The following ACAD10 variants were observed in gnomAD, a reference collection of about 807,000 sequenced individuals.
ACAD10 encodes acyl-CoA dehydrogenase family member 10, also known as ACAD-10.
Under a neutral mutation model 116.8 loss-of-function variants are expected in ACAD10, and 112 were observed. That is an observed-to-expected ratio of 0.96 (90% CI 0.82 to 1.12). The LOEUF (loss-of-function observed/expected upper bound fraction) is 1.12. ACAD10 is among the 50% of genes most tolerant of loss of function. The pLI, the probability that ACAD10 is intolerant of heterozygous loss-of-function variation, is 0.00. For missense variants in ACAD10, 1,259 were observed against 1,350.2 expected (o/e 0.93, Z 1.06); for synonymous variants, 486 against 510.6 (o/e 0.95, Z 0.65).
At chr12:111,688,905 A>G (rs531083766) in intron 1 of ACAD10, among the ~76,000 whole-genome samples, 25 of 150,924 alleles carry the variant, frequency 1.7e-4, no homozygotes, top group Non-Finnish European at 1.5e-4. Flanking sequence ...GATTGCTTAT[A>G]ATACTGGCTG....
intron 1 of ACAD10, chr12:111,691,068 A>G (rs1888026116): frequency 6.6e-6 from 1 of 152,164 alleles, no homozygotes; most frequent in Non-Finnish European, 1.5e-5. Flanking sequence ...GCTTATAGAA[A>G]AGTCAAAAGA....
intron 13 of ACAD10, 178 bp downstream of exon 13, chr12:111,745,221 C>T (rs1326632743): frequency 1.4e-6 from 1 of 714,016 alleles, no homozygotes; most frequent in Non-Finnish European, 2.2e-6. Flanking sequence ...CCATCTCTTG[C>T]TCTTGCTGTG....
chr12:111,690,780 C>CAAAAAAAAAAAA (rs540935938), intron 1 of ACAD10, among the ~76,000 whole-genome samples: 24 of 63,540 alleles, frequency 3.8e-4, no homozygotes, highest in African/African-American at 1.1e-3. Flanking sequence ...GTGAGACTCT[C>CAAAAAAAAAAAA]AAAAAAAAAA....
At chr12:111,695,633 G>C (rs995931366) in intron 2 of ACAD10, among the ~76,000 whole-genome samples, 1 of 152,102 alleles carries the variant, frequency 6.6e-6, no homozygotes, top group Non-Finnish European at 1.5e-5. Flanking sequence ...ACAAAATAGT[G>C]ATGCCTTCTA....
At chr12:111,752,561 A>G (rs1042634651) in intron 18 of ACAD10, among the ~76,000 whole-genome samples, 6 of 152,082 alleles carry the variant, frequency 3.9e-5, no homozygotes, top group Admixed American at 2.6e-4. Context: ...GTGAGCCGAG[A>G]TCGCGCCACT....
chr12:111,689,587 G>A (rs1176693646), intron 1 of ACAD10, among the ~76,000 whole-genome samples: 1 of 151,970 alleles, frequency 6.6e-6, no homozygotes, highest in Non-Finnish European at 1.5e-5. Context: ...ATGTTGACCA[G>A]GTTGGTCTCG....
chr12:111,691,594 ATT>A (rs56715476), intron 1 of ACAD10, among the ~76,000 whole-genome samples: 9 of 132,116 alleles, frequency 6.8e-5, no homozygotes, highest in South Asian at 2.4e-4. Context: ...AAGGAATGAG[ATT>A]TTTTTTTTTT....
chr12:111,690,714 G>A (rs1888013177), intron 1 of ACAD10, among the ~76,000 whole-genome samples: 1 of 151,216 alleles, frequency 6.6e-6, no homozygotes, highest in South Asian at 2.1e-4. Flanking sequence ...GAACCTGGGA[G>A]GCAGAGGTAG....
In ACAD10 at chr12:111,715,840, G is replaced by T. The variant is rs1475283922; in HGVS notation, c.870G>T (p.Gln290His). 1 of 1,614,074 alleles carries T rather than the reference G, an allele frequency of 6.2e-7. No homozygotes were observed. Among genetic ancestry groups the T allele is most frequent in the East Asian group, 2.2e-5 (1 of 44,888 alleles). Residue 290 changes from glutamine to histidine, a missense_variant, in exon 7 of 21, where the codon CAG becomes CAT. Physicochemically the swap from Gln to His is conservative, Grantham distance 24. Transcript: ENST00000313698. The part of the protein sequence containing the change: ...IQTTGPLELL[Q>H]FDHGQSNPTY... The stretch of plus-strand genomic sequence containing the variant: ...TTGCAGGCCCATTGGAACTACTTCA[G>T]TTTGATCACGGGCAGTCAAATCCAA...
At chr12:111,705,965 A>G in intron 4 of ACAD10, 33 bp downstream of exon 4, 1 of 1,604,816 alleles carries the variant, frequency 6.2e-7, no homozygotes, top group Non-Finnish European at 8.5e-7. Flanking sequence ...CCATTGGAAC[A>G]GAATCTGTGC....
intron 2 of ACAD10, among the ~76,000 whole-genome samples, chr12:111,694,885 G>A (rs1312090966): frequency 6.6e-6 from 1 of 152,094 alleles, no homozygotes; most frequent in African/African-American, 2.4e-5. Flanking sequence ...AAGCGTACCT[G>A]GGCATGGTGG....
intron 7 of ACAD10, among the ~76,000 whole-genome samples, chr12:111,719,760 C>T (rs1888963057): frequency 6.6e-6 from 1 of 151,976 alleles, no homozygotes. Flanking sequence ...CAGAGTCTCG[C>T]TCTGTTGCCC....
intron 8 of ACAD10, among the ~76,000 whole-genome samples, chr12:111,723,320 G>A (rs1232685097): frequency 2.2e-5 from 3 of 136,632 alleles, no homozygotes; most frequent in Non-Finnish European, 4.8e-5. Flanking sequence ...GGGCGGGGGG[G>A]CTGACCCCCC....
At chr12:111,705,975 C>A in intron 4 of ACAD10, 43 bp downstream of exon 4, 1 of 1,594,042 alleles carries the variant, frequency 6.3e-7, no homozygotes. Context: ...AGAATCTGTG[C>A]CCTCGCTTCA....
chr12:111,748,951 G>C, intron 17 of ACAD10: 1 of 1,488,652 alleles, frequency 6.7e-7, no homozygotes, highest in Non-Finnish European at 9.2e-7. Flanking sequence ...TTTTATAAAA[G>C]GAATCACAGA....
rs186578403 is a variant in ACAD10 at position 111,735,996 on chromosome 12, C to T, written c.1541-835C>T. Among the ~76,000 whole-genome samples, 5 of 151,748 alleles carry T rather than the reference C, an allele frequency of 3.3e-5. No homozygotes were observed. In the East Asian group the frequency reaches 7.8e-4, roughly 24 times the overall value. ...CCGGGTTCAAGCGATTCTCCGGCCT[C>T]GGCCTCCTGAGTAGCTGGGATTACA... On this transcript the variant is annotated intron_variant, in intron 11 of 20. Transcript: ENST00000313698.
chr12:111,701,964 G>A (rs1421868492), intron 2 of ACAD10, among the ~76,000 whole-genome samples, 198 bp from the exon 3 acceptor site: 1 of 152,180 alleles, frequency 6.6e-6, no homozygotes, highest in Non-Finnish European at 1.5e-5. Context: ...TGTGCTCTCT[G>A]TTGTACACAT....
At position 111,756,368 on chromosome 12, in the gene ACAD10, A is replaced by G. The variant is rs2068084510; in HGVS notation, c.3075A>G (p.Pro1025=). The G allele has an allele frequency of 6.2e-7, 1 of 1,611,178 alleles. No homozygotes were observed. The highest frequency in any genetic ancestry group is 1.3e-5 in the African/African-American group (1 of 74,970). The part of the protein sequence containing the change: ...FGAAGLSSDY[P]LAQFFTWARA... ...CAGCAGGCCTGAGCAGCGACTACCC[A>G]CTGGCTCAGTTCTTCACCTGGGCCC... Residue 1025 remains proline, a synonymous_variant, in exon 21 of 21, where the codon CCA becomes CCG. Transcript: ENST00000313698.
intron 10 of ACAD10, 102 bp from the exon 11 acceptor site, chr12:111,733,821 G>T (rs992998833): frequency 1.4e-6 from 2 of 1,451,944 alleles, no homozygotes; most frequent in African/African-American, 2.8e-5. Flanking sequence ...AGAGGGGATG[G>T]GAGGGTGGGG....
Sources: gnomAD v4.1 joint callset for allele counts (sites outside exome capture counted in the v4.1 genomes callset) on GRCh38, gnomAD v4.1.1 for gene constraint, MANE v1.5 for transcripts, NCBI Gene and HGNC (gene_info 2026-07-23, HGNC 2026-07-21) for gene names.